Variants in MAST2 observed in about 807,000 individuals in gnomAD.
MAST2 encodes microtubule associated serine/threonine kinase 2.
In MAST2, 70 loss-of-function variants were observed where a neutral mutation model predicts 147.4. That is an observed-to-expected ratio of 0.47 (90% CI 0.39 to 0.58). The LOEUF is 0.58. MAST2 is among the 20% of genes least tolerant of loss of function. The pLI is 0.00. For missense variants in MAST2, 2,080 were observed against 2,302.3 expected, an observed-to-expected ratio of 0.90 and a Z score of 1.98; for synonymous variants, 869 against 896.8, an observed-to-expected ratio of 0.97 and a Z score of 0.55.
chr1:45,977,949 G>A (rs1350611564), intron 5 of MAST2, among the ~76,000 whole-genome samples: 1 of 152,094 alleles, frequency 6.6e-6, no homozygotes, highest in Non-Finnish European at 1.5e-5. Flanking sequence ...GCCAGCACAG[G>A]TGGCTCCTAT....
chr1:46,023,803 C>G lies in MAST2; in HGVS notation c.1603C>G (p.Arg535Gly). Reference protein sequence around the residue: ...AVFLVRHKSTRQRFAMKKINK... With the variant: ...AVFLVRHKSTGQRFAMKKINK... The stretch of plus-strand genomic sequence containing the variant: ...ATTTCTGGTGCGGCACAAGTCCACC[C>G]GGCAGCGCTTTGCCATGAAGAAGAT... Residue 535 changes from arginine (R) to glycine (G), a missense_variant, in exon 15 of 29, where the codon CGG becomes GGG. By Grantham distance (125) the Arg-to-Gly change is moderately radical. Coordinates refer to ENST00000361297, the MANE Select transcript of MAST2 (RefSeq NM_015112.3). The surrounding 1 kb of genome is among the most constrained non-coding windows in gnomAD (Gnocchi z 4.9). The G allele has an allele frequency of 6.2e-7, 1 of 1,614,040 alleles. No homozygotes were observed. The highest frequency in any genetic ancestry group is 8.5e-7 in the Non-Finnish European group (1 of 1,180,030).
chr1:45,831,580 G>A (rs1209978632), intron 3 of MAST2, among the ~76,000 whole-genome samples: 2 of 152,096 alleles, frequency 1.3e-5, no homozygotes, highest in African/African-American at 4.8e-5. Flanking sequence ...GAACACCCAT[G>A]TAAGTTTTAC....
At chr1:45,980,304 A>C (rs1364516571) in intron 5 of MAST2, among the ~76,000 whole-genome samples, 2 of 150,840 alleles carry the variant, frequency 1.3e-5, no homozygotes, top group African/African-American at 2.4e-5. Flanking sequence ...AAAAGGCAAC[A>C]AAAGATTGGA....
intron 3 of MAST2, among the ~76,000 whole-genome samples, chr1:45,832,447 A>G (rs2147837906): frequency 6.6e-6 from 1 of 151,788 alleles, no homozygotes; most frequent in Admixed American, 6.6e-5. Context: ...GATGTGTGCC[A>G]CCTCACCTGG....
intron 3 of MAST2, among the ~76,000 whole-genome samples, chr1:45,843,422 G>A (rs920180623): frequency 4.0e-5 from 6 of 151,894 alleles, no homozygotes; most frequent in Admixed American, 6.6e-5. Context: ...TTACTTCATC[G>A]ACCCATTTTG....
intron 4 of MAST2, among the ~76,000 whole-genome samples, chr1:45,899,814 C>T (rs1320646744): frequency 1.3e-5 from 2 of 151,350 alleles, no homozygotes; most frequent in African/African-American, 4.9e-5. Context: ...TATGCTATGT[C>T]ATCAGGCCCA....
At position 46,028,948 on chromosome 1, in the gene MAST2, C is replaced by T. The variant is rs768589080; in HGVS notation, c.2218+15C>T. 6 of 1,540,962 alleles carry T rather than the reference C, an allele frequency of 3.9e-6. No homozygotes were observed. In the African/African-American group the frequency reaches 8.3e-5, roughly 21 times the overall value. Reference sequence around the variant, plus strand: ...GGTGATCAGTGGTAGGTACTATGCCCCTGGCCCAGTGGGGAAACAGAGTCT... The same window carrying T: ...GGTGATCAGTGGTAGGTACTATGCCTCTGGCCCAGTGGGGAAACAGAGTCT... On this transcript the variant is annotated intron_variant, in intron 18 of 28. Coordinates refer to ENST00000361297, the MANE Select transcript of MAST2 (RefSeq NM_015112.3).
At chr1:45,820,834 C>CTT (rs59059194) in intron 1 of MAST2, among the ~76,000 whole-genome samples, 4 of 102,820 alleles carry the variant, frequency 3.9e-5, no homozygotes, top group Non-Finnish European at 5.7e-5. Context: ...ACTCTGTCTG[C>CTT]TTTTTTTTTT....
intron 4 of MAST2, among the ~76,000 whole-genome samples, chr1:45,931,717 C>T (rs1247524574): frequency 6.6e-6 from 1 of 151,978 alleles, no homozygotes; most frequent in Non-Finnish European, 1.5e-5. Flanking sequence ...TAGTCTCGAA[C>T]TCCTGACCTC....
chr1:45,980,424 A>G (rs72692639), intron 5 of MAST2, among the ~76,000 whole-genome samples: 28,453 of 152,202 alleles, frequency 0.19, 3,280 homozygotes, highest in Non-Finnish European at 0.26. Flanking sequence ...CAATATACCC[A>G]GGTAATAAAC....
At chr1:45,824,374 G>A in intron 1 of MAST2, 59 bp from the exon 2 acceptor site, 1 of 1,359,020 alleles carries the variant, frequency 7.4e-7, no homozygotes. Context: ...TTAATATAAA[G>A]TTTTTATACT....
chr1:45,973,337 C>T (rs965536036), intron 5 of MAST2, among the ~76,000 whole-genome samples: 6 of 152,164 alleles, frequency 3.9e-5, no homozygotes, highest in Admixed American at 3.9e-4. Flanking sequence ...TCCATAATTT[C>T]AGTTTCCTTC....
At chr1:45,937,751 C>CAAAAAAAAAAAA (rs34830747) in intron 4 of MAST2, among the ~76,000 whole-genome samples, 37 of 73,212 alleles carry the variant, frequency 5.1e-4, no homozygotes, top group Admixed American at 7.6e-4. Flanking sequence ...AACTCCATCT[C>CAAAAAAAAAAAA]AAAAAAAAAA....
intron 3 of MAST2, among the ~76,000 whole-genome samples, chr1:45,854,910 C>G (rs1381716724): frequency 6.6e-6 from 1 of 152,164 alleles, no homozygotes; most frequent in African/African-American, 2.4e-5. Flanking sequence ...AAATTGGATA[C>G]AGATGAACCA....
intron 12 of MAST2, 39 bp from the exon 13 acceptor site, chr1:46,022,871 A>G (rs76782645): frequency 1.3e-6 from 2 of 1,536,366 alleles, no homozygotes; most frequent in African/African-American, 2.7e-5. Context: ...GATACCTGAC[A>G]TTGCCACGCA....
chr1:46,016,714 GAAGA>G (rs954174207), intron 10 of MAST2, among the ~76,000 whole-genome samples: 41 of 152,302 alleles, frequency 2.7e-4, no homozygotes, highest in Admixed American at 2.7e-3. Flanking sequence ...TCATGGGTAG[GAAGA>G]ATCAATATCG....
chr1:45,878,264 G>A (rs1646694229), intron 3 of MAST2, among the ~76,000 whole-genome samples: 1 of 148,372 alleles, frequency 6.7e-6, no homozygotes. Flanking sequence ...TTTAATCTTA[G>A]AAAATCAATC....
In MAST2 at chr1:45,899,307, C is replaced by CTTTTTTT. The variant is rs770069959; in HGVS notation, c.500+16926_500+16932dup. Among the ~76,000 whole-genome samples, 268 of 107,640 alleles carry CTTTTTTT rather than the reference C, an allele frequency of 2.5e-3. 2 individuals are homozygous for CTTTTTTT. Among genetic ancestry groups the CTTTTTTT allele is most frequent in the East Asian group, 2.8e-3 (10 of 3,554 alleles). The allele number at this position is 107,640 out of a possible 152,430, so 70.6% of individuals were successfully genotyped here. On this transcript the variant is annotated intron_variant, in intron 4 of 28. Transcript: ENST00000361297. ...GCCAAAAATATTTTTCCTTTCTTTT[C>CTTTTTTT]TTTTTTTTTTTTTTTTTTTTAGATT...
intron 1 of MAST2, among the ~76,000 whole-genome samples, chr1:45,820,012 G>A (rs1248616674): frequency 1.3e-5 from 2 of 152,098 alleles, no homozygotes; most frequent in Non-Finnish European, 2.9e-5. Context: ...CAATAGAACG[G>A]AATAGAGAAC....
Sources: allele counts gnomAD v4.1 joint callset (sites outside exome capture counted in the v4.1 genomes callset), GRCh38; gene constraint gnomAD v4.1.1; non-coding constraint Gnocchi (gnomAD v3.1); transcripts MANE v1.5; gene names NCBI Gene and HGNC (gene_info 2026-07-23, HGNC 2026-07-21).